Variants in AUNIP observed in about 807,000 individuals in gnomAD.
AUNIP encodes the protein aurora kinase A and ninein interacting protein.
In AUNIP, 16 loss-of-function variants were observed where a neutral mutation model predicts 12.2. That is an observed-to-expected ratio of 1.31 (90% CI 0.88 to 1.99). The LOEUF (loss-of-function observed/expected upper bound fraction) is 1.99. AUNIP is among the 30% of genes most tolerant of loss of function. The pLI, the probability that AUNIP is intolerant of heterozygous loss-of-function variation, is 0.00. For synonymous variants in AUNIP, 142 were observed against 154.8 expected (o/e 0.92, Z 0.61); for missense variants, 411 against 419.1 (o/e 0.98, Z 0.17).
intron 1 of AUNIP, among the ~76,000 whole-genome samples, chr1:25,841,860 T>C (rs2048349862): frequency 6.6e-6 from 1 of 152,296 alleles, no homozygotes; most frequent in South Asian, 2.1e-4. Context: ...GTAATTGTTT[T>C]GGGGCACCAT....
chr1:25,859,392 CGCAGGCT>C lies in AUNIP; in HGVS notation c.-42_-36del. The C allele has an allele frequency of 6.8e-7, 1 of 1,477,766 alleles. No individual in the cohort carries two copies. Among genetic ancestry groups the C allele is most frequent in the Middle Eastern group, 1.9e-4 (1 of 5,352 alleles). The allele number at this position is 1,477,766 out of a possible 1,614,324, so 91.5% of individuals were successfully genotyped here. On this transcript the variant is annotated 5_prime_UTR_variant, in exon 1 of 3. Transcript: ENST00000374298. ...GGAGACGAAGCCGGCAGGACGCCGG[CGCAGGCT>C]CCCGGCGCCTCAGGGAACGCCAGAA...
chr1:25,848,977 A>G (rs1475811385), intron 1 of AUNIP, among the ~76,000 whole-genome samples: 1 of 152,218 alleles, frequency 6.6e-6, no homozygotes, highest in African/African-American at 2.4e-5. Context: ...AACTGTAACC[A>G]TAACAGCTTT....
intron 1 of AUNIP, among the ~76,000 whole-genome samples, chr1:25,846,939 A>G (rs2048387307): frequency 6.6e-6 from 1 of 152,344 alleles, no homozygotes. Context: ...AAAGACGACC[A>G]TTGTGCCTCA....
chr1:25,843,468 C>T (rs914796490), intron 1 of AUNIP, among the ~76,000 whole-genome samples: 6 of 150,586 alleles, frequency 4.0e-5, no homozygotes, highest in East Asian at 1.9e-4. Context: ...TAAGAACATT[C>T]GTGATTATCT....
intron 1 of AUNIP, among the ~76,000 whole-genome samples, chr1:25,848,311 C>T (rs1401903310): frequency 6.6e-6 from 1 of 151,968 alleles, no homozygotes; most frequent in African/African-American, 2.4e-5. Context: ...AAGACCCCGT[C>T]TCTACAAAAA....
chr1:25,851,439 G>A (rs1251724186), intron 1 of AUNIP, among the ~76,000 whole-genome samples: 1 of 152,148 alleles, frequency 6.6e-6, no homozygotes, highest in Non-Finnish European at 1.5e-5. Flanking sequence ...AGAGTCTGAA[G>A]GATTGGTATA....
chr1:25,832,355 T>C (rs917974189), downstream of AUNIP: 1 of 613,478 alleles, frequency 1.6e-6, no homozygotes, highest in African/African-American at 1.9e-5. Flanking sequence ...CTGACTTCAC[T>C]GCATTAGACC....
intron 1 of AUNIP, among the ~76,000 whole-genome samples, chr1:25,852,640 G>C (rs761430808): frequency 6.6e-6 from 1 of 151,548 alleles, no homozygotes; most frequent in East Asian, 2.0e-4. Flanking sequence ...GGGTTTCGCC[G>C]TGTTGGCCAG....
At chr1:25,832,163 AAG>A (rs758115298), downstream of AUNIP, 7 of 1,555,882 alleles carry the variant, frequency 4.5e-6, no homozygotes, top group South Asian at 5.8e-5. Flanking sequence ...CTTGGACTGA[AAG>A]AGAAGAGCTG....
intron 1 of AUNIP, among the ~76,000 whole-genome samples, chr1:25,849,502 C>T (rs78831271): frequency 0.017 from 2,584 of 152,242 alleles, 77 homozygotes; most frequent in African/African-American, 0.059. Context: ...CATACAATAT[C>T]TGGTCTTTTG....
chr1:25,848,338 C>G (rs1408332135), intron 1 of AUNIP, among the ~76,000 whole-genome samples: 1 of 151,892 alleles, frequency 6.6e-6, no homozygotes, highest in African/African-American at 2.4e-5. Flanking sequence ...AAATAATTAG[C>G]CTGGGTTGGT....
chr1:25,832,470 C>T (rs1254950612), downstream of AUNIP: 2 of 379,898 alleles, frequency 5.3e-6, no homozygotes, highest in Non-Finnish European at 9.9e-6. Context: ...TGTTTGTATA[C>T]ATGTTCACAG....
Position 25,847,637 on chromosome 1 carries a change from G to T in AUNIP, c.79-10083C>A, listed in dbSNP as rs2565032. On this transcript the variant is annotated intron_variant, in intron 1 of 2. Coordinates refer to ENST00000374298, the MANE Select transcript of AUNIP (RefSeq NM_024037.3). This position sits in a 1 kb window ranked among gnomAD's most constrained non-coding sequence, Gnocchi z 4.2. The stretch of plus-strand genomic sequence containing the variant: ...TTGAGCGTACCTATACTTTTATATA[G>T]AGAGAGACTAATAAACCAAAATAAA... 0.8 allele frequency among the ~76,000 whole-genome samples: 120,914 copies of T among 151,722 alleles called. 48,803 individuals are homozygous for T. The highest frequency in any genetic ancestry group is 0.93 in the African/African-American group (38,488 of 41,382).
downstream of AUNIP, chr1:25,832,459 A>ATGTT (rs1483383351): frequency 2.5e-6 from 1 of 404,268 alleles, no homozygotes; most frequent in Non-Finnish European, 4.6e-6. Context: ...GGGGCTATGA[A>ATGTT]TGTTTGTATA....
At chr1:25,848,559 C>T (rs1311705349) in intron 1 of AUNIP, among the ~76,000 whole-genome samples, 1 of 150,622 alleles carries the variant, frequency 6.6e-6, no homozygotes, top group Non-Finnish European at 1.5e-5. Flanking sequence ...TCTCTAAATC[C>T]TTGGAATGTC....
intron 1 of AUNIP, among the ~76,000 whole-genome samples, chr1:25,856,363 C>CA (rs112639785): frequency 0.084 from 10,735 of 128,226 alleles, 1,253 homozygotes; most frequent in African/African-American, 0.28. Context: ...GACTCCATCT[C>CA]AAAAAAAAAA....
chr1:25,858,138 G>A (rs2048477907), intron 1 of AUNIP, among the ~76,000 whole-genome samples: 1 of 152,138 alleles, frequency 6.6e-6, no homozygotes, highest in Non-Finnish European at 1.5e-5. Context: ...CTGCACTCCA[G>A]CCTGGGCGAC....
intron 1 of AUNIP, among the ~76,000 whole-genome samples, chr1:25,848,307 C>G (rs2048398790): frequency 6.6e-6 from 1 of 151,892 alleles, no homozygotes. Context: ...CAGTAAGACC[C>G]CGTCTCTACA....
intron 1 of AUNIP, among the ~76,000 whole-genome samples, chr1:25,843,185 A>ATATATATATATAT (rs1364857694): frequency 9.9e-4 from 124 of 124,942 alleles, no homozygotes; most frequent in Non-Finnish European, 1.7e-3. Context: ...AAAAAAAAAA[A>ATATATATATATAT]ATATATATAT....
Sources: gnomAD v4.1 joint callset for allele counts (sites outside exome capture counted in the v4.1 genomes callset) on GRCh38, gnomAD v4.1.1 for gene constraint, Gnocchi (gnomAD v3.1) non-coding constraint, MANE v1.5 for transcripts, NCBI Gene and HGNC (gene_info 2026-07-23, HGNC 2026-07-21) for gene names.